Variants in TTC27 observed in about 807,000 individuals in gnomAD.
TTC27 encodes tetratricopeptide repeat protein 27.
A neutral mutation model predicts 115.9 loss-of-function variants in TTC27; 79 were observed. The ratio of observed to expected loss-of-function variants is 0.68; its 90% CI spans 0.57 to 0.82. The LOEUF is 0.82. Among genes scored for constraint, TTC27 ranks in the 40% least tolerant of loss-of-function variants. The pLI is 0.00. For synonymous variants in TTC27, 401 were observed against 356.0 expected (o/e 1.13, Z -1.42); for missense variants, 1,054 against 993.1 (o/e 1.06, Z -0.82).
chr2:32,633,689 C>A (rs754576037), intron 2 of TTC27, among the ~76,000 whole-genome samples, 187 bp from the exon 3 acceptor site: 1 of 152,262 alleles, frequency 6.6e-6, no homozygotes, highest in South Asian at 2.1e-4. Flanking sequence ...CAGGCATGAA[C>A]CACTGTGCCT....
intron 10 of TTC27, among the ~76,000 whole-genome samples, chr2:32,730,624 T>A (rs969911360): frequency 1.7e-4 from 25 of 148,872 alleles, no homozygotes; most frequent in South Asian, 6.3e-4. Flanking sequence ...CTTTCTTATT[T>A]TTTTTTTTTT....
intron 18 of TTC27, among the ~76,000 whole-genome samples, chr2:32,814,014 A>G (rs1262607992): frequency 6.6e-6 from 1 of 152,118 alleles, no homozygotes; most frequent in South Asian, 2.1e-4. Flanking sequence ...GTCTTTGTGG[A>G]TATTGTATGA....
At chr2:32,641,036 A>G (rs1664628131) in intron 4 of TTC27, among the ~76,000 whole-genome samples, 1 of 152,006 alleles carries the variant, frequency 6.6e-6, no homozygotes, top group African/African-American at 2.4e-5. Flanking sequence ...AAAAAGATAT[A>G]CCTCACAGTC....
At chr2:32,642,428 T>C (rs1032628087) in intron 4 of TTC27, among the ~76,000 whole-genome samples, 2 of 151,704 alleles carry the variant, frequency 1.3e-5, no homozygotes, top group African/African-American at 4.8e-5. Flanking sequence ...ATTTTTTGTA[T>C]TTTTAGTAGA....
In TTC27 at chr2:32,731,859, A is replaced by G. The variant is rs531357474; in HGVS notation, c.1234-1969A>G. Among the ~76,000 whole-genome samples the G allele has an allele frequency of 1.1e-4, 16 of 152,342 alleles. 1 individual carries two copies. The highest frequency in any genetic ancestry group is 2.0e-4 in the Admixed American group (3 of 15,304). ...AAGTATCTGAGAGTATCTGAAATACATAATAAATGTGTTTATTAGTAAATG... is the reference window on the plus strand; with the variant it reads ...AAGTATCTGAGAGTATCTGAAATACGTAATAAATGTGTTTATTAGTAAATG... On this transcript the variant is annotated intron_variant, in intron 10 of 19. Coordinates refer to ENST00000317907, the MANE Select transcript of TTC27 (RefSeq NM_017735.5).
chr2:32,796,288 A>G (rs1201512392), intron 16 of TTC27, among the ~76,000 whole-genome samples: 1 of 152,202 alleles, frequency 6.6e-6, no homozygotes, highest in Non-Finnish European at 1.5e-5. Flanking sequence ...ACATGATGAA[A>G]GAGATTAAAG....
chr2:32,717,122 G>GC (rs1667779123), intron 10 of TTC27, among the ~76,000 whole-genome samples: 1 of 151,264 alleles, frequency 6.6e-6, no homozygotes, highest in Non-Finnish European at 1.5e-5. Flanking sequence ...TCCTGTTTCA[G>GC]CCCCCCACGC....
chr2:32,649,322 T>G (rs1664992317), intron 4 of TTC27, among the ~76,000 whole-genome samples: 1 of 151,992 alleles, frequency 6.6e-6, no homozygotes, highest in Non-Finnish European at 1.5e-5. Context: ...GAATAAGACA[T>G]GATTTCTTAC....
At chr2:32,771,959 A>T (rs1333779952) in intron 13 of TTC27, among the ~76,000 whole-genome samples, 2 of 152,186 alleles carry the variant, frequency 1.3e-5, no homozygotes, top group African/African-American at 4.8e-5. Flanking sequence ...AATTCAAAAC[A>T]GTTGATCATA....
intron 9 of TTC27, among the ~76,000 whole-genome samples, chr2:32,685,960 C>T (rs1302900164): frequency 6.6e-6 from 1 of 152,088 alleles, no homozygotes; most frequent in Non-Finnish European, 1.5e-5. Flanking sequence ...CATAGAAAAA[C>T]TCTTAAGAAT....
chr2:32,649,663 A>C (rs1665010774), intron 4 of TTC27, among the ~76,000 whole-genome samples: 1 of 151,764 alleles, frequency 6.6e-6, no homozygotes. Context: ...TCCTGCCTCA[A>C]GTCTCCCGAG....
At chr2:32,690,987 C>G (rs182741978) in intron 9 of TTC27, among the ~76,000 whole-genome samples, 34 of 152,260 alleles carry the variant, frequency 2.2e-4, no homozygotes, top group Non-Finnish European at 1.2e-4. Flanking sequence ...TCTGAGCTGG[C>G]TTTGATTTAT....
intron 16 of TTC27, among the ~76,000 whole-genome samples, chr2:32,791,464 A>T (rs1387940950): frequency 1.3e-5 from 2 of 152,232 alleles, no homozygotes; most frequent in East Asian, 1.9e-4. Context: ...GGCATACAGT[A>T]TGTGAGGTGG....
At chr2:32,739,335 G>A (rs1668549980) in intron 12 of TTC27, among the ~76,000 whole-genome samples, 1 of 152,046 alleles carries the variant, frequency 6.6e-6, no homozygotes, top group Non-Finnish European at 1.5e-5. Flanking sequence ...AATGCTCAAA[G>A]CATATTTTAG....
Position 32,666,721 on chromosome 2 carries a change from A to G in TTC27, c.892A>G (p.Asn298Asp), listed in dbSNP as rs146281194. 6 of 1,613,966 alleles carry G rather than the reference A, an allele frequency of 3.7e-6. No individual in the cohort carries two copies. The African/African-American group carries it at 6.7e-5, about 18-fold the overall frequency. The change falls in exon 7 of 20, where the codon AAT becomes GAT. Residue 298 changes from asparagine (N) to aspartate (D), a missense_variant. By Grantham distance (23) the Asn-to-Asp change is conservative. Transcript: ENST00000317907. ...DVRREGDVLS[N>D]CEFTPAPTPQ... The stretch of plus-strand genomic sequence containing the variant: ...AAGAAGGGAAGGGGATGTCCTTTCA[A>G]ATTGTGAATTCACTCCAGCACCCAC...
At chr2:32,780,094 A>G in intron 14 of TTC27, 1 of 466,542 alleles carries the variant, frequency 2.1e-6, no homozygotes, top group South Asian at 1.6e-5. Context: ...GAAACTTTGT[A>G]GTAAGTTTTG....
intron 16 of TTC27, among the ~76,000 whole-genome samples, chr2:32,804,441 G>C (rs904745503): frequency 6.6e-6 from 1 of 152,122 alleles, no homozygotes; most frequent in Non-Finnish European, 1.5e-5. Context: ...GATAATGGTG[G>C]CAGCACATGG....
intron 4 of TTC27, among the ~76,000 whole-genome samples, chr2:32,642,992 C>T (rs1297022723): frequency 6.6e-6 from 1 of 152,002 alleles, no homozygotes; most frequent in African/African-American, 2.4e-5. Flanking sequence ...GTTTTTGAGA[C>T]AGCGTCTTGC....
intron 3 of TTC27, 74 bp from the exon 4 acceptor site, chr2:32,640,196 T>A (rs184205578): frequency 1.4e-6 from 2 of 1,391,690 alleles, no homozygotes; most frequent in Non-Finnish European, 1.9e-6. Context: ...GGAAAATCTT[T>A]GTATTATTAC....
Sources: allele counts gnomAD v4.1 joint callset (sites outside exome capture counted in the v4.1 genomes callset), GRCh38; gene constraint gnomAD v4.1.1; transcripts MANE v1.5; gene names NCBI Gene and HGNC (gene_info 2026-07-23, HGNC 2026-07-21).